The following CNTNAP2 variants were observed in gnomAD, a reference collection of about 807,000 sequenced individuals.
The protein encoded by CNTNAP2 is contactin associated protein 2.
CNTNAP2 carries 98 observed loss-of-function variants against 155.2 expected under a neutral mutation model. The observed-to-expected ratio is 0.63, with a 90% confidence interval of 0.54 to 0.75. The LOEUF (loss-of-function observed/expected upper bound fraction) is 0.75. CNTNAP2 is among the 30% of genes least tolerant of loss of function. The pLI is 0.00. For synonymous variants in CNTNAP2, 651 were observed against 631.2 expected (o/e 1.03, Z -0.47); for missense variants, 1,727 against 1,688.1 (o/e 1.02, Z -0.40).
chr7:148,201,149 A>G (rs1488426388), intron 18 of CNTNAP2, among the ~76,000 whole-genome samples: 1 of 152,244 alleles, frequency 6.6e-6, no homozygotes, highest in Non-Finnish European at 1.5e-5. Context: ...CTCAGAATAA[A>G]AATAATTACA....
chr7:146,721,889 A>ATATTTTTTTTTTTTTTTTTTTTTTTTTT, intron 1 of CNTNAP2, among the ~76,000 whole-genome samples: 1 of 69,708 alleles, frequency 1.4e-5, no homozygotes, highest in African/African-American at 1.9e-4. Context: ...ATATATATAT[A>ATATTTTTTTTTTTTTTTTTTTTTTTTTT]TTTTTTTTTT....
At chr7:147,435,116 AAC>A (rs759408253) in intron 10 of CNTNAP2, among the ~76,000 whole-genome samples, 3 of 152,176 alleles carry the variant, frequency 2.0e-5, no homozygotes, top group Admixed American at 6.6e-5. Flanking sequence ...TGCTCTGGGT[AAC>A]ACAGGAAATG....
chr7:146,731,902 T>C (rs1036937336), intron 1 of CNTNAP2, among the ~76,000 whole-genome samples: 1 of 152,076 alleles, frequency 6.6e-6, no homozygotes, highest in Non-Finnish European at 1.5e-5. Context: ...TGTCAATAGT[T>C]ATTTGATATT....
intron 13 of CNTNAP2, among the ~76,000 whole-genome samples, chr7:147,775,484 A>T (rs571031415): frequency 1.4e-5 from 2 of 144,790 alleles, no homozygotes; most frequent in African/African-American, 2.5e-5. Flanking sequence ...TTGGAGATGT[A>T]GTAGGATGGA....
chr7:148,302,848 T>TC (rs1397702888), intron 21 of CNTNAP2, among the ~76,000 whole-genome samples: 1 of 138,604 alleles, frequency 7.2e-6, no homozygotes, highest in Non-Finnish European at 1.5e-5. Context: ...AGATTGAGTC[T>TC]CTCTCTGTCA....
intron 14 of CNTNAP2, among the ~76,000 whole-genome samples, chr7:147,970,942 C>T (rs1801321905): frequency 6.6e-6 from 1 of 152,144 alleles, no homozygotes; most frequent in South Asian, 2.1e-4. Context: ...AATATCTTGA[C>T]TCTTGTTAAT....
chr7:147,076,502 G>C (rs997161115), intron 4 of CNTNAP2, among the ~76,000 whole-genome samples: 1 of 152,086 alleles, frequency 6.6e-6, no homozygotes, highest in African/African-American at 2.4e-5. Context: ...TTGCAAATTT[G>C]TTTAAGTTCT....
At chr7:147,454,035 C>A (rs1391770211) in intron 10 of CNTNAP2, among the ~76,000 whole-genome samples, 1 of 152,032 alleles carries the variant, frequency 6.6e-6, no homozygotes, top group South Asian at 2.1e-4. Context: ...AATTCTACAA[C>A]TGAAAGCATT....
chr7:147,049,691 G>C (rs1225031819), intron 4 of CNTNAP2, among the ~76,000 whole-genome samples: 2 of 152,198 alleles, frequency 1.3e-5, no homozygotes, highest in Admixed American at 6.5e-5. Flanking sequence ...CTCCTGAAAG[G>C]GTGTACCTGG....
intron 15 of CNTNAP2, among the ~76,000 whole-genome samples, chr7:147,980,463 A>G (rs955484363): frequency 6.6e-6 from 1 of 152,200 alleles, no homozygotes; most frequent in East Asian, 1.9e-4. Flanking sequence ...CTGATATTTC[A>G]TGAAAGCAAA....
intron 1 of CNTNAP2, among the ~76,000 whole-genome samples, chr7:146,144,472 A>G (rs1221088538): frequency 6.6e-6 from 1 of 152,210 alleles, no homozygotes; most frequent in Non-Finnish European, 1.5e-5. Flanking sequence ...AATTTAAAAA[A>G]CAAAAAATAG....
chr7:147,770,238 T>A (rs1797448759), intron 13 of CNTNAP2, among the ~76,000 whole-genome samples: 1 of 152,232 alleles, frequency 6.6e-6, no homozygotes, highest in Admixed American at 6.5e-5. Flanking sequence ...TCTATGATAA[T>A]CTACAATCTA....
intron 10 of CNTNAP2, among the ~76,000 whole-genome samples, chr7:147,475,806 A>T (rs2116617802): frequency 6.6e-6 from 1 of 152,306 alleles, no homozygotes; most frequent in Non-Finnish European, 1.5e-5. Context: ...TTGGCAAAGG[A>T]AGAAGGAGGT....
intron 1 of CNTNAP2, among the ~76,000 whole-genome samples, chr7:146,432,139 T>A (rs189703240): frequency 9.9e-4 from 151 of 152,078 alleles, no homozygotes; most frequent in Non-Finnish European, 1.4e-3. Flanking sequence ...CAGCAAAAAG[T>A]CAAACTCAGA....
At chr7:148,254,582 C>A (rs1231109265) in intron 20 of CNTNAP2, among the ~76,000 whole-genome samples, 1 of 152,038 alleles carries the variant, frequency 6.6e-6, no homozygotes, top group Non-Finnish European at 1.5e-5. Context: ...CGAGACCATC[C>A]TGGCTAACAC....
intron 8 of CNTNAP2, among the ~76,000 whole-genome samples, chr7:147,250,839 C>G (rs6962953): frequency 6.6e-6 from 1 of 152,094 alleles, no homozygotes; most frequent in Non-Finnish European, 1.5e-5. Context: ...GCAGTCTGTC[C>G]GAGCAAGTCC....
intron 10 of CNTNAP2, among the ~76,000 whole-genome samples, chr7:147,405,176 T>C (rs544835292): frequency 3.3e-5 from 5 of 152,306 alleles, no homozygotes; most frequent in Middle Eastern, 6.8e-3. Flanking sequence ...AGGAAATAGA[T>C]AAATAGTTTT....
intron 1 of CNTNAP2, among the ~76,000 whole-genome samples, chr7:146,773,782 G>T (rs1435186109): frequency 6.6e-6 from 1 of 152,186 alleles, no homozygotes; most frequent in Non-Finnish European, 1.5e-5. Flanking sequence ...TTTCACACCA[G>T]ATCTCCAGAA....
chr7:146,421,746 A>T (rs1163764116), intron 1 of CNTNAP2, among the ~76,000 whole-genome samples: 1 of 152,012 alleles, frequency 6.6e-6, no homozygotes, highest in African/African-American at 2.4e-5. Context: ...ATAGACATAT[A>T]TAAGATAACA....
Sources: allele counts gnomAD v4.1 joint callset (sites outside exome capture counted in the v4.1 genomes callset), GRCh38; gene constraint gnomAD v4.1.1; transcripts MANE v1.5; gene names NCBI Gene and HGNC (gene_info 2026-07-23, HGNC 2026-07-21).